NAV3: variants seen among roughly 807,000 people sequenced by gnomAD.
NAV3 encodes neuron navigator 3, also known as pore membrane and/or filament interacting like protein 1.
Under a neutral mutation model 244.7 loss-of-function variants are expected in NAV3, and 87 were observed. The observed-to-expected ratio is 0.36, with a 90% confidence interval of 0.30 to 0.42. The LOEUF (loss-of-function observed/expected upper bound fraction) is 0.42, where lower values mean the gene tolerates loss of function less well. NAV3 is among the 20% of genes least tolerant of loss of function. The pLI is 1.00. For missense variants in NAV3, 2,663 were observed against 2,893.3 expected, an observed-to-expected ratio of 0.92 and a Z score of 1.83; for synonymous variants, 1,126 against 1,042.2, an observed-to-expected ratio of 1.08 and a Z score of -1.55.
intron 12 of NAV3, among the ~76,000 whole-genome samples, chr12:78,067,774 A>G (rs368247): frequency 0.065 from 9,899 of 152,164 alleles, 334 homozygotes; most frequent in Admixed American, 0.081. Flanking sequence ...CTATTTTTTC[A>G]TAAGACTCAC....
chr12:78,077,767 G>A (rs748363469), intron 12 of NAV3, among the ~76,000 whole-genome samples: 5 of 152,090 alleles, frequency 3.3e-5, no homozygotes, highest in African/African-American at 9.7e-5. Flanking sequence ...GTGAAACCCC[G>A]TCTCTACTAA....
chr12:78,159,090 A>T (rs780490464), intron 22 of NAV3, 113 bp from the exon 23 acceptor site: 128 of 694,062 alleles, frequency 1.8e-4, no homozygotes, highest in Non-Finnish European at 2.0e-4. Context: ...TGATAGTCAT[A>T]GTATTTAAAG....
chr12:77,692,677 A>G, intron 2 of NAV3, among the ~76,000 whole-genome samples: 1 of 152,110 alleles, frequency 6.6e-6, no homozygotes, highest in East Asian at 1.9e-4. Flanking sequence ...AGGTATAGTA[A>G]TTATGTTTCA....
chr12:77,904,411 G>A (rs888960797), intron 1 of NAV3, among the ~76,000 whole-genome samples: 1 of 151,996 alleles, frequency 6.6e-6, no homozygotes, highest in Non-Finnish European at 1.5e-5. Flanking sequence ...ACCAAACACC[G>A]CATGTTCTCA....
chr12:78,033,197 T>A (rs1879281051), intron 9 of NAV3, among the ~76,000 whole-genome samples: 1 of 151,998 alleles, frequency 6.6e-6, no homozygotes, highest in South Asian at 2.1e-4. Context: ...GTGGGAAATA[T>A]CTGACATTTA....
chr12:77,935,145 G>A (rs1448948268), intron 1 of NAV3, among the ~76,000 whole-genome samples: 1 of 152,008 alleles, frequency 6.6e-6, no homozygotes, highest in African/African-American at 2.4e-5. Flanking sequence ...CTAACCAAAT[G>A]CTAAAATAAA....
chr12:78,185,845 G>A, intron 31 of NAV3, 147 bp downstream of exon 31: 3 of 632,066 alleles, frequency 4.7e-6, no homozygotes, highest in East Asian at 2.9e-5. Flanking sequence ...AACATGAAAA[G>A]GACAATAAAA....
At chr12:77,664,791 T>G (rs1873641473) in intron 2 of NAV3, among the ~76,000 whole-genome samples, 1 of 152,228 alleles carries the variant, frequency 6.6e-6, no homozygotes. Flanking sequence ...TATTCATATT[T>G]GTTCAGATTA....
At chr12:78,054,425 T>C (rs1239050205) in intron 11 of NAV3, among the ~76,000 whole-genome samples, 2 of 152,190 alleles carry the variant, frequency 1.3e-5, no homozygotes, top group Non-Finnish European at 2.9e-5. Context: ...AACTACATTA[T>C]AAGCTATGTA....
At chr12:78,147,324 A>G (rs1428622361) in intron 21 of NAV3, among the ~76,000 whole-genome samples, 2 of 152,092 alleles carry the variant, frequency 1.3e-5, no homozygotes, top group Non-Finnish European at 2.9e-5. Context: ...AAGCATCGAA[A>G]TGCTACATCT....
intron 1 of NAV3, among the ~76,000 whole-genome samples, chr12:77,875,840 A>C (rs938327381): frequency 2.0e-5 from 3 of 152,024 alleles, no homozygotes; most frequent in East Asian, 1.9e-4. Context: ...CTTTCTATTC[A>C]TGTGTTCATC....
chr12:77,766,803 G>A lies in NAV3; in HGVS notation c.73-173516G>A, dbSNP rs1565805195. On this transcript the variant is annotated intron_variant, in intron 2 of 8. Transcript: ENST00000550042. ...GAGTCTCGCTCTGTCACCCAGGCTG[G>A]AGTATAGTGGCGTGATCTCGGCTCA... is the stretch of plus-strand genomic sequence containing the variant. 7.8e-5 allele frequency among the ~76,000 whole-genome samples: 10 copies of A among 128,000 alleles called. No individual in the cohort carries two copies. In the Admixed American group the frequency reaches 9.8e-4, roughly 13 times the overall value. 84.0% of individuals were successfully genotyped at this position (128,000 alleles called of 152,430 possible). A position where few individuals can be genotyped will look rare whatever the true frequency, so the allele number is the denominator to read the frequency against.
chr12:78,178,101 A>G (rs1042241468), intron 28 of NAV3, among the ~76,000 whole-genome samples: 3 of 151,894 alleles, frequency 2.0e-5, no homozygotes, highest in Non-Finnish European at 2.9e-5. Flanking sequence ...TAGAACAATT[A>G]CAACAATATT....
At chr12:77,584,951 A>G (rs1869531903) in intron 2 of NAV3, among the ~76,000 whole-genome samples, 1 of 152,194 alleles carries the variant, frequency 6.6e-6, no homozygotes, top group Admixed American at 6.5e-5. Flanking sequence ...TCTGGTATCT[A>G]ATTCTTGAGT....
In NAV3 at chr12:78,037,216, A is replaced by G. The variant is rs1031454568; in HGVS notation, c.2024-12777A>G. ...GGCTTGGAAGGTGAGAGTGATGAAG[A>G]TAGTAGGTCTGAAGATGAAAACGTG... On this transcript the variant is annotated intron_variant, in intron 9 of 39. Coordinates refer to ENST00000397909, the MANE Select transcript of NAV3 (RefSeq NM_001024383.2). The G allele has an allele frequency of 3.6e-5, 25 of 702,860 alleles. No individual in the cohort carries two copies. The African/African-American group carries it at 4.4e-4, about 12-fold the overall frequency. 43.5% of individuals were successfully genotyped at this position (702,860 alleles called of 1,614,324 possible).
intron 12 of NAV3, among the ~76,000 whole-genome samples, chr12:78,109,771 A>G (rs1247592044): frequency 6.6e-6 from 1 of 152,000 alleles, no homozygotes; most frequent in African/African-American, 2.4e-5. Context: ...AAAACTCTAA[A>G]ACTCAGCATA....
chr12:78,172,697 A>C (rs1175926068), intron 24 of NAV3, among the ~76,000 whole-genome samples: 1 of 151,558 alleles, frequency 6.6e-6, no homozygotes, highest in Non-Finnish European at 1.5e-5. Flanking sequence ...AAGAGCTTTG[A>C]GGCGGAAAAT....
At position 77,782,151 on chromosome 12, in the gene NAV3, T is replaced by C. The variant is rs367569327; in HGVS notation, c.73-158168T>C. On this transcript the variant is annotated intron_variant, in intron 2 of 8. Transcript: ENST00000550042. The stretch of plus-strand genomic sequence containing the variant: ...AGTCACATCTGGAGCAGTTTGTTGA[T>C]TGAAGTAGGCATTCTCATGTTCAAG... Among the ~76,000 whole-genome samples, 79 of 152,304 alleles carry C rather than the reference T, an allele frequency of 5.2e-4. 1 individual carries two copies. The highest frequency in any genetic ancestry group is 1.8e-3 in the African/African-American group (73 of 41,558).
intron 14 of NAV3, 48 bp from the exon 15 acceptor site, chr12:78,119,189 A>T (rs764392927): frequency 9.4e-6 from 14 of 1,490,760 alleles, no homozygotes; most frequent in Non-Finnish European, 1.3e-5. Context: ...AAGTGTGGTG[A>T]TATCAAACTC....
Sources: gnomAD v4.1 joint callset for allele counts (sites outside exome capture counted in the v4.1 genomes callset) on GRCh38, gnomAD v4.1.1 for gene constraint, MANE v1.5 for transcripts, NCBI Gene and HGNC (gene_info 2026-07-23, HGNC 2026-07-21) for gene names.